JAK1: variants seen among roughly 807,000 people sequenced by gnomAD.
JAK1 encodes the protein Janus kinase 1.
JAK1 carries 16 observed loss-of-function variants against 136.6 expected under a neutral mutation model. That is an observed-to-expected ratio of 0.12 (90% confidence interval 0.08 to 0.18). The LOEUF is 0.18. Among genes scored for constraint, JAK1 ranks in the 10% least tolerant of loss-of-function variants. The probability of loss-of-function intolerance (pLI) is 1.00; values close to 1 mark genes in which losing one functional copy is unlikely to be tolerated. For synonymous variants in JAK1, 492 were observed against 519.5 expected (o/e 0.95, Z 0.72); for missense variants, 859 against 1,450.1 (o/e 0.59, Z 6.62).
At chr1:64,879,603 C>T (rs1644738426) in intron 3 of JAK1, among the ~76,000 whole-genome samples, 1 of 152,148 alleles carries the variant, frequency 6.6e-6, no homozygotes, top group African/African-American at 2.4e-5. Context: ...CGTGATTATA[C>T]ATCAGACATG....
At chr1:64,964,032 A>C (rs1301634330) in intron 1 of JAK1, among the ~76,000 whole-genome samples, 1 of 152,184 alleles carries the variant, frequency 6.6e-6, no homozygotes, top group African/African-American at 2.4e-5. Flanking sequence ...AAAAAATCTG[A>C]AAGTTCCTTC....
At chr1:64,888,321 AC>A (rs1644883181) in intron 1 of JAK1, among the ~76,000 whole-genome samples, 1 of 152,194 alleles carries the variant, frequency 6.6e-6, no homozygotes, top group African/African-American at 2.4e-5. Context: ...AGCTGGGACT[AC>A]AGGCATGCGC....
chr1:64,881,831 T>G (rs767981227), intron 3 of JAK1, among the ~76,000 whole-genome samples: 1 of 152,106 alleles, frequency 6.6e-6, no homozygotes, highest in Non-Finnish European at 1.5e-5. Context: ...CAATGACCTT[T>G]GCTTACAAAC....
At chr1:64,854,682 C>CA (rs558961993) in intron 11 of JAK1, among the ~76,000 whole-genome samples, 3 of 152,042 alleles carry the variant, frequency 2.0e-5, no homozygotes, top group South Asian at 2.1e-4. Context: ...AGTGGCTCCC[C>CA]CTTGGATCCA....
intron 2 of JAK1, among the ~76,000 whole-genome samples, chr1:65,028,079 C>T (rs1186062181): frequency 3.3e-5 from 5 of 152,154 alleles, no homozygotes; most frequent in Non-Finnish European, 7.3e-5. Context: ...TGGGTGAACC[C>T]TCAGTAAGTC....
chr1:64,903,921 A>G (rs1026531665), intron 1 of JAK1, among the ~76,000 whole-genome samples: 4 of 152,224 alleles, frequency 2.6e-5, no homozygotes, highest in Non-Finnish European at 5.9e-5. Flanking sequence ...GGCACATTCC[A>G]TGCTCTTAGG....
intron 1 of JAK1, chr1:65,067,557 C>G (rs1358847934): frequency 1.4e-5 from 2 of 145,798 alleles, no homozygotes; most frequent in Admixed American, 1.4e-4. Context: ...GCGCTCGGCC[C>G]CGCGCGCCCC....
At chr1:64,959,602 T>C (rs2100620876) in intron 1 of JAK1, among the ~76,000 whole-genome samples, 1 of 152,304 alleles carries the variant, frequency 6.6e-6, no homozygotes, top group Non-Finnish European at 1.5e-5. Context: ...CACATTAACT[T>C]TCCCAGAAAG....
At chr1:64,869,996 G>A (rs1656977157) in intron 5 of JAK1, among the ~76,000 whole-genome samples, 1 of 151,638 alleles carries the variant, frequency 6.6e-6, no homozygotes, top group Admixed American at 6.6e-5. Flanking sequence ...GTTTCCCATA[G>A]TGAAATGTGT....
At chr1:64,977,202 T>C (rs1413419999) in intron 2 of JAK1, among the ~76,000 whole-genome samples, 2 of 152,026 alleles carry the variant, frequency 1.3e-5, no homozygotes, top group African/African-American at 4.8e-5. Flanking sequence ...CAAGCTGGAG[T>C]GTAGTGGCAC....
intron 4 of JAK1, 128 bp downstream of exon 4, chr1:64,878,897 A>G (rs899300650): frequency 9.3e-6 from 8 of 863,346 alleles, no homozygotes; most frequent in African/African-American, 1.7e-5. Context: ...CACATCAAGC[A>G]AATACAAAAG....
At chr1:64,862,215 A>G (rs1656394284) in intron 8 of JAK1, among the ~76,000 whole-genome samples, 1 of 152,196 alleles carries the variant, frequency 6.6e-6, no homozygotes, top group Admixed American at 6.5e-5. Context: ...CTGGGTTCAA[A>G]TCGCAGCCTC....
chr1:64,957,745 C>T (rs886129047), intron 1 of JAK1, among the ~76,000 whole-genome samples: 1 of 150,054 alleles, frequency 6.7e-6, no homozygotes, highest in Non-Finnish European at 1.5e-5. Context: ...GAGATCGAGA[C>T]CATCCTGGCT....
At chr1:64,954,518 A>T (rs747569640) in intron 1 of JAK1, among the ~76,000 whole-genome samples, 4 of 152,030 alleles carry the variant, frequency 2.6e-5, no homozygotes, top group African/African-American at 4.8e-5. Context: ...TTTCCACCAA[A>T]CCCACATCAT....
At chr1:65,005,504 ATAATT>A (rs984346546) in intron 2 of JAK1, among the ~76,000 whole-genome samples, 1 of 152,216 alleles carries the variant, frequency 6.6e-6, no homozygotes, top group African/African-American at 2.4e-5. Context: ...ACGGGTAACA[ATAATT>A]TAATGTATTT....
chr1:65,030,008 C>T (rs920514129), intron 2 of JAK1, among the ~76,000 whole-genome samples: 4 of 151,966 alleles, frequency 2.6e-5, no homozygotes, highest in African/African-American at 7.2e-5. Flanking sequence ...CACCAAAATC[C>T]GTGTTTTGAA....
chr1:64,887,626 G>A (rs1241016505), intron 1 of JAK1, among the ~76,000 whole-genome samples: 1 of 152,168 alleles, frequency 6.6e-6, no homozygotes, highest in South Asian at 2.1e-4. Context: ...TGTACAGAAA[G>A]AGGTCATTAC....
At chr1:64,908,861 G>A (rs1645234344) in intron 1 of JAK1, among the ~76,000 whole-genome samples, 1 of 152,108 alleles carries the variant, frequency 6.6e-6, no homozygotes, top group Non-Finnish European at 1.5e-5. Flanking sequence ...AGCCCAGAAA[G>A]CAAGCGAATA....
At chr1:65,005,878 A>G (rs145764625) in intron 2 of JAK1, among the ~76,000 whole-genome samples, 24 of 152,318 alleles carry the variant, frequency 1.6e-4, no homozygotes, top group African/African-American at 5.8e-4. Context: ...AAGTTATAAT[A>G]AGATGATCTT....
Sources: gnomAD v4.1 joint callset for allele counts (sites outside exome capture counted in the v4.1 genomes callset) on GRCh38, gnomAD v4.1.1 for gene constraint, MANE v1.5 for transcripts, NCBI Gene and HGNC (gene_info 2026-07-23, HGNC 2026-07-21) for gene names.